The following ZFYVE1 variants were observed in gnomAD, a reference collection of about 807,000 sequenced individuals.
ZFYVE1 encodes zinc finger FYVE domain-containing protein 1.
A neutral mutation model predicts 74.4 loss-of-function variants in ZFYVE1; 30 were observed. The observed-to-expected ratio is 0.40, with a 90% CI of 0.30 to 0.55. ZFYVE1 has a LOEUF of 0.55. Ranked by LOEUF, ZFYVE1 falls within the 20% of genes least tolerant of loss-of-function variation. ZFYVE1 has a pLI of 0.42. For synonymous variants in ZFYVE1, 335 were observed against 385.1 expected (o/e 0.87, Z 1.52); for missense variants, 703 against 1,011.6 (o/e 0.69, Z 4.14).
intron 2 of ZFYVE1, among the ~76,000 whole-genome samples, chr14:73,017,433 G>A (rs1894224128): frequency 6.6e-6 from 1 of 152,142 alleles, no homozygotes; most frequent in South Asian, 2.1e-4. Flanking sequence ...TGTCCCTTGA[G>A]GGAGCAAAAT....
At chr14:72,991,183 ATTTTTTT>A (rs57153409) in intron 4 of ZFYVE1, among the ~76,000 whole-genome samples, 2 of 83,566 alleles carry the variant, frequency 2.4e-5, no homozygotes, top group African/African-American at 4.5e-5. Flanking sequence ...CCCTGATGGT[ATTTTTTT>A]TTTTTTTTTT....
Position 72,993,329 on chromosome 14 carries a change from G to A in ZFYVE1, c.1017C>T (p.Leu339=), listed in dbSNP as rs1893666707. 29 of 1,612,960 alleles carry A rather than the reference G, an allele frequency of 1.8e-5. No individual in the cohort carries two copies. Among genetic ancestry groups the A allele is most frequent in the Non-Finnish European group, 2.2e-5 (26 of 1,179,856 alleles). Residue 339 remains leucine, a synonymous_variant, in exon 4 of 12, where the codon CTC becomes CTT. Coordinates refer to ENST00000556143, the MANE Select transcript of ZFYVE1 (RefSeq NM_021260.4). ...SDHPSEVPEK[L]IQDRFRKLGR... ...CCAGCTTCCGGAACCGGTCCTGGAT[G>A]AGCTTCTCTGGCACCTCTGAGGGAT...
chr14:73,024,357 C>T lies in ZFYVE1; in HGVS notation c.152G>A (p.Arg51Gln), dbSNP rs765709384. The change falls in exon 2 of 12, where the codon CGG becomes CAG. Residue 51 changes from arginine (R) to glutamine (Q), a missense_variant. Physicochemically the swap from Arg to Gln is conservative, Grantham distance 43. Transcript: ENST00000556143. ...QCLRCEEELH[R>Q]QERLRNHERI... ...CTCATGGTTTCTCAGGCGCTCCTGCCGATGGAGCTCCTCCTCGCAGCGGAG... is the reference window on the plus strand; with the variant it reads ...CTCATGGTTTCTCAGGCGCTCCTGCTGATGGAGCTCCTCCTCGCAGCGGAG... 7.4e-6 allele frequency: 12 copies of T among 1,614,170 alleles called. No individual in the cohort carries two copies. Among genetic ancestry groups the T allele is most frequent in the Middle Eastern group, 1.7e-4 (1 of 6,060 alleles).
chr14:73,003,880 A>G (rs766444810), intron 2 of ZFYVE1, among the ~76,000 whole-genome samples: 4 of 152,168 alleles, frequency 2.6e-5, no homozygotes, highest in Non-Finnish European at 5.9e-5. Flanking sequence ...TTATCTTTAC[A>G]TGCAGAGCAC....
intron 2 of ZFYVE1, among the ~76,000 whole-genome samples, chr14:73,005,491 C>A (rs1465985799): frequency 6.6e-6 from 1 of 152,204 alleles, no homozygotes; most frequent in Admixed American, 6.5e-5. Context: ...AGCCACCCCT[C>A]CCCAACTTTT....
At chr14:73,008,102 T>G (rs979233316) in intron 2 of ZFYVE1, among the ~76,000 whole-genome samples, 18 of 152,238 alleles carry the variant, frequency 1.2e-4, no homozygotes, top group Non-Finnish European at 2.5e-4. Flanking sequence ...ACACTATGCT[T>G]CACAGAGACT....
At chr14:72,991,151 T>C (rs1216674816) in intron 4 of ZFYVE1, among the ~76,000 whole-genome samples, 1 of 151,680 alleles carries the variant, frequency 6.6e-6, no homozygotes, top group Non-Finnish European at 1.5e-5. Flanking sequence ...GAGCACTAAT[T>C]ACAGTTTACA....
Position 72,997,974 on chromosome 14 carries a change from G to A in ZFYVE1, c.825C>T (p.Asp275=), listed in dbSNP as rs368948888. Residue 275 remains aspartate, a synonymous_variant, in exon 3 of 12, where the codon GAC becomes GAT. Transcript: ENST00000556143. Reference sequence around the variant, plus strand: ...AGGCATCCCCAAGGAATTTGAAGAGGTCGTTATGCAGCCGGTCTGCATGAG... The same window carrying A: ...AGGCATCCCCAAGGAATTTGAAGAGATCGTTATGCAGCCGGTCTGCATGAG... ...YRTHADRLHN[D]LFKFLGDASE... is the part of the protein sequence containing the mutation. The A allele has an allele frequency of 6.2e-7, 1 of 1,614,138 alleles. No homozygotes were observed. Among genetic ancestry groups the A allele is most frequent in the Non-Finnish European group, 8.5e-7 (1 of 1,180,022 alleles).
intron 3 of ZFYVE1, among the ~76,000 whole-genome samples, chr14:72,997,198 A>G (rs896781682): frequency 7.2e-5 from 11 of 152,096 alleles, no homozygotes; most frequent in African/African-American, 2.4e-4. Flanking sequence ...TTCCCTCTCT[A>G]ATGAATCATT....
At chr14:73,023,610 C>T (rs1386340811) in intron 2 of ZFYVE1, among the ~76,000 whole-genome samples, 1 of 151,458 alleles carries the variant, frequency 6.6e-6, no homozygotes, top group Non-Finnish European at 1.5e-5. Flanking sequence ...AGGTGCAGTC[C>T]CGCATCACTA....
At chr14:72,978,756 C>G in intron 6 of ZFYVE1, 105 bp downstream of exon 6, 1 of 881,962 alleles carries the variant, frequency 1.1e-6, no homozygotes, top group Non-Finnish European at 1.9e-6. Context: ...ATTTGAATAT[C>G]AAATACTTCA....
At chr14:73,026,132 T>TAAAAAAAAA (rs1894455219) in intron 1 of ZFYVE1, among the ~76,000 whole-genome samples, 1 of 128,990 alleles carries the variant, frequency 7.8e-6, no homozygotes. Flanking sequence ...TTTCACTAAC[T>TAAAAAAAAA]GAAAAAAAAA....
At chr14:73,023,219 ATATTT>A (rs1473751077) in intron 2 of ZFYVE1, among the ~76,000 whole-genome samples, 1 of 135,734 alleles carries the variant, frequency 7.4e-6, no homozygotes, top group Non-Finnish European at 1.6e-5. Flanking sequence ...TATATAATAT[ATATTT>A]TATATGTTTT....
At chr14:72,981,316 G>A (rs904121411) in intron 5 of ZFYVE1, among the ~76,000 whole-genome samples, 5 of 152,126 alleles carry the variant, frequency 3.3e-5, no homozygotes, top group South Asian at 2.1e-4. Context: ...AAATTCTAAT[G>A]TGCTCTAAAC....
rs191759192 is a variant in ZFYVE1 at position 72,985,295 on chromosome 14, A to G, written c.1204-3400T>C. On this transcript the variant is annotated intron_variant, in intron 4 of 11. Transcript: ENST00000556143. ...CTCAGCCTCCCAAGTAGCTGGGATC[A>G]CAGGCAAATGCCACCATGCCCCAAT... Among the ~76,000 whole-genome samples the G allele has an allele frequency of 2.5e-3, 378 of 152,168 alleles. 1 individual carries two copies. Among genetic ancestry groups the G allele is most frequent in the Non-Finnish European group, 4.6e-3 (311 of 68,012 alleles).
At position 72,975,846 on chromosome 14, in the gene ZFYVE1, A is replaced by AGTT; in HGVS notation, c.1636-126_1636-125insAAC. 1 of 1,079,298 alleles carries AGTT rather than the reference A, an allele frequency of 9.3e-7. No homozygotes were observed. The highest frequency in any genetic ancestry group is 1.3e-6 in the Non-Finnish European group (1 of 747,962). 66.9% of individuals were successfully genotyped at this position (1,079,298 alleles called of 1,614,324 possible). On this transcript the variant is annotated intron_variant, in intron 8 of 11. Coordinates refer to ENST00000556143, the MANE Select transcript of ZFYVE1 (RefSeq NM_021260.4). This position sits in a 1 kb window ranked among gnomAD's most constrained non-coding sequence, Gnocchi z 4.1. ...CAGAACCACTAACTCCCTGGCAGGGAAGAACGGAGACACACCAGGAATCCC... is the reference window on the plus strand; with the variant it reads ...CAGAACCACTAACTCCCTGGCAGGGAGTTAGAACGGAGACACACCAGGAATCCC...
chr14:72,993,245 A>G lies in ZFYVE1; in HGVS notation c.1101T>C (p.Pro367=). The G allele has an allele frequency of 2.5e-6, 4 of 1,613,748 alleles. No individual in the cohort carries two copies. In the South Asian group the frequency reaches 3.3e-5, roughly 13 times the overall value. The change falls in exon 4 of 12, where the codon CCT becomes CCC. Residue 367 remains proline, a synonymous_variant. Transcript: ENST00000556143. Reference sequence around the variant, plus strand: ...GCCGAAGCCCAGAAAAGTCCGTGGGAGGGTTGTAAGTCCTCGTTCCCTTGT... The same window carrying G: ...GCCGAAGCCCAGAAAAGTCCGTGGGGGGGTTGTAAGTCCTCGTTCCCTTGT... The part of the protein sequence containing the change: ...IHYKGTRTYN[P]PTDFSGLRRA...
intron 4 of ZFYVE1, among the ~76,000 whole-genome samples, chr14:72,989,082 CACA>C (rs1199765524): frequency 6.6e-6 from 1 of 151,900 alleles, no homozygotes; most frequent in African/African-American, 2.4e-5. Flanking sequence ...CACCCGCCAC[CACA>C]CCCAGCTAAT....
intron 4 of ZFYVE1, among the ~76,000 whole-genome samples, chr14:72,985,125 G>T (rs2140354616): frequency 6.6e-6 from 1 of 152,306 alleles, no homozygotes; most frequent in South Asian, 2.1e-4. Context: ...TCAAAGATAT[G>T]TACAGAACAC....
Sources: gnomAD v4.1 joint callset for allele counts (sites outside exome capture counted in the v4.1 genomes callset) on GRCh38, gnomAD v4.1.1 for gene constraint, Gnocchi (gnomAD v3.1) non-coding constraint, MANE v1.5 for transcripts, NCBI Gene and HGNC (gene_info 2026-07-23, HGNC 2026-07-21) for gene names.